The following NID1 variants were observed in gnomAD, a reference collection of about 807,000 sequenced individuals.
NID1 encodes nidogen 1, also known as nidogen-1.
A neutral mutation model predicts 130.6 loss-of-function variants in NID1; 76 were observed. The observed-to-expected ratio is 0.58, with a 90% CI of 0.48 to 0.70. The LOEUF (loss-of-function observed/expected upper bound fraction) is 0.70. Ranked by LOEUF, NID1 falls within the 30% of genes least tolerant of loss-of-function variation. The pLI, the probability that NID1 is intolerant of heterozygous loss-of-function variation, is 0.00. For synonymous variants in NID1, 665 were observed against 675.1 expected (o/e 0.98, Z 0.23); for missense variants, 1,517 against 1,664.8 (o/e 0.91, Z 1.54).
In NID1 at chr1:236,028,683, T is replaced by TATGC. The variant is rs200818223; in HGVS notation, c.1738+866_1738+867insGCAT. Reference sequence around the variant, plus strand: ...ATACAACTTATTCTCAAATGGTCAGTATACATATATATATATATATATATG... The same window carrying TATGC: ...ATACAACTTATTCTCAAATGGTCAGTATGCATACATATATATATATATATATATG... On this transcript the variant is annotated intron_variant, in intron 7 of 19. Coordinates refer to ENST00000264187, the MANE Select transcript of NID1 (RefSeq NM_002508.3). 6.3e-3 allele frequency among the ~76,000 whole-genome samples: 844 copies of TATGC among 133,762 alleles called. 8 individuals carry two copies. The highest frequency in any genetic ancestry group is 0.023 in the African/African-American group (652 of 28,526). 87.8% of individuals were successfully genotyped at this position (133,762 alleles called of 152,430 possible). A position where few individuals can be genotyped will look rare whatever the true frequency, so the allele number is the denominator to read the frequency against.
At chr1:236,047,071 A>G (rs943336162) in intron 2 of NID1, among the ~76,000 whole-genome samples, 10 of 152,206 alleles carry the variant, frequency 6.6e-5, no homozygotes, top group Admixed American at 2.0e-4. Flanking sequence ...AGATGGCACC[A>G]CTGCACTCCA....
At position 236,024,057 on chromosome 1, in the gene NID1, T is replaced by C. The variant is rs199779147; in HGVS notation, c.2128+13A>G. 1.9e-5 allele frequency: 31 copies of C among 1,613,322 alleles called. No individual in the cohort carries two copies. Among genetic ancestry groups the C allele is most frequent in the Middle Eastern group, 1.8e-4 (1 of 5,562 alleles). ...ATTTCCCAGCCCCAACAAGTCAGAA[T>C]CAAAGGCTGTACCATAGCAGGTTCG... On this transcript the variant is annotated intron_variant, in intron 9 of 19. Transcript: ENST00000264187.
rs1658617154 is a variant in NID1 at position 236,017,143 on chromosome 1, C to T, written c.2254+5G>A. On this transcript the variant is annotated splice_donor_5th_base_variant and intron_variant, in intron 10 of 19. Transcript: ENST00000264187. The stretch of plus-strand genomic sequence containing the variant: ...CTGTTTCGAAAAGTTACCTGGAGAA[C>T]TTACCCACACACGTTCCCTCATCTG... The T allele has an allele frequency of 6.2e-7, 1 of 1,613,972 alleles. No homozygotes were observed. The highest frequency in any genetic ancestry group is 1.3e-5 in the African/African-American group (1 of 74,930).
At chr1:235,990,544 A>G (rs2102798608) in intron 14 of NID1, among the ~76,000 whole-genome samples, 1 of 152,338 alleles carries the variant, frequency 6.6e-6, no homozygotes, top group South Asian at 2.1e-4. Context: ...CCCAACCTCT[A>G]TCTAATGGGA....
chr1:235,981,542 A>C, intron 16 of NID1, 69 bp downstream of exon 16: 1 of 1,500,606 alleles, frequency 6.7e-7, no homozygotes, highest in Admixed American at 2.0e-5. Context: ...TTAAAGCCTC[A>C]CATCTGAGAA....
intron 1 of NID1, among the ~76,000 whole-genome samples, chr1:236,056,269 A>T (rs1346781600): frequency 6.6e-6 from 1 of 152,220 alleles, no homozygotes; most frequent in Non-Finnish European, 1.5e-5. Context: ...AGCACAAGCA[A>T]CAAAAGCAAA....
At chr1:235,980,117 G>A (rs999756627) in intron 17 of NID1, among the ~76,000 whole-genome samples, 172 bp from the exon 18 acceptor site, 6 of 152,276 alleles carry the variant, frequency 3.9e-5, no homozygotes, top group East Asian at 3.9e-4. Flanking sequence ...TCTTCCTCCC[G>A]TGTTGCTTCT....
At chr1:235,978,649 A>C (rs1043967431) in intron 19 of NID1, among the ~76,000 whole-genome samples, 2 of 152,144 alleles carry the variant, frequency 1.3e-5, no homozygotes, top group Non-Finnish European at 2.9e-5. Flanking sequence ...TTCAATTCTT[A>C]TTATTAATTA....
In NID1 at chr1:236,045,639, G is replaced by A. The variant is rs267598427; in HGVS notation, c.570C>T (p.Ser190=). The stretch of plus-strand genomic sequence containing the variant: ...CCTCAGGATAAAGGAAAATGGCATA[G>A]GAGCTGGAATCAGAGGAGGCTAGAA... The part of the protein sequence containing the change: ...QAVLASSDSS[S]YAIFLYPEDG... The change falls in exon 3 of 20, where the codon TCC becomes TCT. Residue 190 remains serine, a synonymous_variant. Transcript: ENST00000264187. The A allele has an allele frequency of 3.1e-6, 5 of 1,614,052 alleles. No homozygotes were observed. In the African/African-American group the frequency reaches 5.3e-5, roughly 17 times the overall value.
At chr1:235,980,454 G>A in intron 17 of NID1, 42 bp downstream of exon 17, 4 of 1,601,652 alleles carry the variant, frequency 2.5e-6, no homozygotes, top group Non-Finnish European at 2.6e-6. Flanking sequence ...CCTGACTTAG[G>A]AGATTGAGAC....
intron 5 of NID1, among the ~76,000 whole-genome samples, chr1:236,037,668 A>C (rs78577187): frequency 1.3e-5 from 2 of 151,618 alleles, no homozygotes; most frequent in Non-Finnish European, 2.9e-5. Flanking sequence ...AAGAAAAAAA[A>C]AAACATAGGT....
At chr1:236,012,142 G>T in intron 11 of NID1, 99 bp from the exon 12 acceptor site, 1 of 1,439,490 alleles carries the variant, frequency 6.9e-7, no homozygotes, top group Non-Finnish European at 9.5e-7. Context: ...ATGGGAACCT[G>T]CTTCTGATCT....
intron 2 of NID1, among the ~76,000 whole-genome samples, chr1:236,046,746 C>G (rs1659613524): frequency 6.6e-6 from 1 of 152,102 alleles, no homozygotes; most frequent in East Asian, 1.9e-4. Context: ...ATTTATCACC[C>G]AAGTGAAAGG....
intron 5 of NID1, among the ~76,000 whole-genome samples, chr1:236,032,990 C>G (rs10927300): frequency 0.4 from 60,584 of 152,040 alleles, 13,365 homozygotes; most frequent in African/African-American, 0.59. Context: ...AGAACTAAGG[C>G]GACCATAGAA....
chr1:236,012,729 C>A (rs1254582805), intron 11 of NID1, among the ~76,000 whole-genome samples: 1 of 152,100 alleles, frequency 6.6e-6, no homozygotes, highest in East Asian at 1.9e-4. Context: ...GCAGAAAACC[C>A]TCAGTGAAAA....
At chr1:236,033,631 AC>A (rs1659163388) in intron 5 of NID1, among the ~76,000 whole-genome samples, 2 of 152,226 alleles carry the variant, frequency 1.3e-5, no homozygotes, top group Non-Finnish European at 2.9e-5. Context: ...TGGAATTGAG[AC>A]CTACTATGAC....
chr1:235,985,960 C>G (rs1657562724), intron 14 of NID1, among the ~76,000 whole-genome samples: 1 of 152,058 alleles, frequency 6.6e-6, no homozygotes, highest in Non-Finnish European at 1.5e-5. Context: ...CAGAGTCTCA[C>G]TGTCTTGCCC....
intron 17 of NID1, 110 bp downstream of exon 17, chr1:235,980,386 G>C (rs1657402032): frequency 3.7e-6 from 4 of 1,082,644 alleles, no homozygotes; most frequent in Non-Finnish European, 4.0e-6. Context: ...ATAGCTTCTG[G>C]GTTATATAAA....
At chr1:235,986,595 G>A (rs971874865) in intron 14 of NID1, among the ~76,000 whole-genome samples, 1 of 152,064 alleles carries the variant, frequency 6.6e-6, no homozygotes, top group African/African-American at 2.4e-5. Context: ...ATTGTAGCTG[G>A]GACTACAGAC....
Sources: allele counts gnomAD v4.1 joint callset (sites outside exome capture counted in the v4.1 genomes callset), GRCh38; gene constraint gnomAD v4.1.1; transcripts MANE v1.5; gene names NCBI Gene and HGNC (gene_info 2026-07-23, HGNC 2026-07-21).